Variants in YWHAQ observed in about 807,000 individuals in gnomAD.
YWHAQ encodes 14-3-3 protein theta.
YWHAQ carries 6 observed loss-of-function variants against 28.3 expected under a neutral mutation model. That is an observed-to-expected ratio of 0.21 (90% CI 0.12 to 0.42). YWHAQ has a LOEUF of 0.42. Among genes scored for constraint, YWHAQ ranks in the 10% least tolerant of loss-of-function variants. The pLI is 1.00. For missense variants in YWHAQ, 201 were observed against 305.6 expected, an observed-to-expected ratio of 0.66 and a Z score of 2.55; for synonymous variants, 143 against 119.1, an observed-to-expected ratio of 1.20 and a Z score of -1.31.
At chr2:9,597,985 ATTTTTTTT>A (rs547582835) in intron 2 of YWHAQ, among the ~76,000 whole-genome samples, 97 of 62,480 alleles carry the variant, frequency 1.6e-3, no homozygotes, top group African/African-American at 5.0e-3. Flanking sequence ...ATGCCGGGCT[ATTTTTTTT>A]TTTTTTTTTT....
At chr2:9,591,588 T>A in intron 2 of YWHAQ, 73 bp from the exon 3 acceptor site, 2 of 1,525,454 alleles carry the variant, frequency 1.3e-6, no homozygotes, top group Non-Finnish European at 1.8e-6. Flanking sequence ...TGATAAAACT[T>A]CTGCCTAGCG....
At chr2:9,603,375 T>G (rs545018657) in intron 2 of YWHAQ, among the ~76,000 whole-genome samples, 1 of 151,460 alleles carries the variant, frequency 6.6e-6, no homozygotes, top group East Asian at 2.0e-4. Flanking sequence ...GTTCAAGCAA[T>G]TCTTGAGCCT....
intron 2 of YWHAQ, among the ~76,000 whole-genome samples, chr2:9,596,878 C>A (rs1261394445): frequency 6.6e-6 from 1 of 152,154 alleles, no homozygotes; most frequent in Non-Finnish European, 1.5e-5. Context: ...CTCCTGACCT[C>A]AAGGGATCCG....
At chr2:9,625,731 G>A (rs1667236114) in intron 2 of YWHAQ, among the ~76,000 whole-genome samples, 1 of 152,196 alleles carries the variant, frequency 6.6e-6, no homozygotes, top group Non-Finnish European at 1.5e-5. Context: ...TTAGTGTGCA[G>A]TGAATACCTG....
chr2:9,630,658 C>T lies in YWHAQ; in HGVS notation c.-82-124G>A, dbSNP rs918828274. The T allele has an allele frequency of 4.4e-6, 2 of 449,714 alleles. No homozygotes were observed. Among genetic ancestry groups the T allele is most frequent in the Non-Finnish European group, 7.6e-6 (2 of 261,892 alleles). 27.9% of individuals were successfully genotyped at this position (449,714 alleles called of 1,614,324 possible). On this transcript the variant is annotated intron_variant, in intron 1 of 5. Transcript: ENST00000238081. This position sits in a 1 kb window ranked among gnomAD's most constrained non-coding sequence, Gnocchi z 5.6. ...GCCGCTTGAATTTCCCTCTCCCCCG[C>T]CCCCTCCCCCGCTGGGCACCCGGGG...
chr2:9,610,960 G>C (rs1016362319), intron 2 of YWHAQ, among the ~76,000 whole-genome samples: 5 of 152,054 alleles, frequency 3.3e-5, no homozygotes, highest in African/African-American at 1.2e-4. Flanking sequence ...CATTCTCCCT[G>C]CCTTCTATAT....
chr2:9,592,387 ATCT>A (rs148539693), intron 2 of YWHAQ, among the ~76,000 whole-genome samples: 22,326 of 152,134 alleles, frequency 0.15, 2,129 homozygotes, highest in Middle Eastern at 0.24. Flanking sequence ...TATGATAGAA[ATCT>A]TCTTAGATTC....
chr2:9,599,637 A>C (rs1453854690), intron 2 of YWHAQ, among the ~76,000 whole-genome samples: 1 of 152,172 alleles, frequency 6.6e-6, no homozygotes, highest in Non-Finnish European at 1.5e-5. Flanking sequence ...AAAATGCTTC[A>C]CTGAATATTT....
intron 2 of YWHAQ, among the ~76,000 whole-genome samples, chr2:9,612,227 G>C (rs564024473): frequency 1.3e-5 from 2 of 152,246 alleles, no homozygotes; most frequent in Non-Finnish European, 2.9e-5. Flanking sequence ...TAATCTAACT[G>C]ATCTACCAGG....
At chr2:9,608,939 T>TCAAACAAA (rs35056773) in intron 2 of YWHAQ, among the ~76,000 whole-genome samples, 53 of 151,664 alleles carry the variant, frequency 3.5e-4, no homozygotes, top group African/African-American at 7.5e-4. Flanking sequence ...AGACTCCAAA[T>TCAAACAAA]CAAACAAACA....
In YWHAQ at chr2:9,630,079, G is replaced by T. The variant is rs934469948; in HGVS notation, c.294+80C>A. 232 of 1,541,578 alleles carry T rather than the reference G, an allele frequency of 1.5e-4. 1 individual carries two copies. The highest frequency in any genetic ancestry group is 3.4e-5 in the Non-Finnish European group (39 of 1,138,812). ...GACAGTCCGGCAAGCCCCGGCTCAC[G>T]TTTGTTTCCGTGCCCGCGAAACTCT... On this transcript the variant is annotated intron_variant, in intron 2 of 5. Coordinates refer to ENST00000238081, the MANE Select transcript of YWHAQ (RefSeq NM_006826.4). The surrounding 1 kb of genome is among the most constrained non-coding windows in gnomAD (Gnocchi z 5.6).
chr2:9,622,258 T>C (rs111919932), intron 2 of YWHAQ, among the ~76,000 whole-genome samples: 145 of 152,226 alleles, frequency 9.5e-4, no homozygotes, highest in African/African-American at 3.1e-3. Context: ...CAGAGGCCAT[T>C]ATTCCTGATT....
chr2:9,629,611 A>G (rs1409019444), intron 2 of YWHAQ, among the ~76,000 whole-genome samples: 1 of 151,814 alleles, frequency 6.6e-6, no homozygotes, highest in East Asian at 1.9e-4. Context: ...TGTCCTTTTC[A>G]CATTTCCCGA....
At chr2:9,614,276 TAAC>T (rs901164903) in intron 2 of YWHAQ, among the ~76,000 whole-genome samples, 5 of 152,210 alleles carry the variant, frequency 3.3e-5, no homozygotes, top group Non-Finnish European at 4.4e-5. Flanking sequence ...CACCATCATT[TAAC>T]AACATTTCCA....
intron 2 of YWHAQ, among the ~76,000 whole-genome samples, chr2:9,606,621 T>G (rs955566577): frequency 1.3e-5 from 2 of 151,512 alleles, no homozygotes; most frequent in African/African-American, 4.9e-5. Flanking sequence ...CCTCCGCCAC[T>G]CAGGTTCACG....
chr2:9,623,253 T>C (rs1667178379), intron 2 of YWHAQ, among the ~76,000 whole-genome samples: 1 of 152,230 alleles, frequency 6.6e-6, no homozygotes, highest in Non-Finnish European at 1.5e-5. Context: ...AAAACTTGCT[T>C]GTGCTGGAAA....
intron 2 of YWHAQ, among the ~76,000 whole-genome samples, chr2:9,601,738 C>T (rs1042049220): frequency 3.9e-5 from 6 of 151,970 alleles, no homozygotes; most frequent in Non-Finnish European, 8.8e-5. Flanking sequence ...CTCTGCCTCC[C>T]GGGTTCAAGC....
At chr2:9,628,111 C>A (rs1667284856) in intron 2 of YWHAQ, among the ~76,000 whole-genome samples, 2 of 152,224 alleles carry the variant, frequency 1.3e-5, no homozygotes, top group African/African-American at 4.8e-5. Flanking sequence ...CAGTGCCTGG[C>A]ACACAGAAAG....
chr2:9,616,104 C>T (rs895512667), intron 2 of YWHAQ, among the ~76,000 whole-genome samples: 3 of 152,212 alleles, frequency 2.0e-5, no homozygotes, highest in Admixed American at 6.5e-5. Context: ...CAAAATACAG[C>T]GCTGTCAACT....
Sources: gnomAD v4.1 joint callset for allele counts (sites outside exome capture counted in the v4.1 genomes callset) on GRCh38, gnomAD v4.1.1 for gene constraint, Gnocchi (gnomAD v3.1) non-coding constraint, MANE v1.5 for transcripts, NCBI Gene and HGNC (gene_info 2026-07-23, HGNC 2026-07-21) for gene names.